The following DLG2 variants were observed in gnomAD, a reference collection of about 807,000 sequenced individuals.
The protein encoded by DLG2 is discs large MAGUK scaffold protein 2.
In DLG2, 45 loss-of-function variants were observed where a neutral mutation model predicts 132.5. The observed-to-expected ratio is 0.34, with a 90% confidence interval of 0.27 to 0.44. The LOEUF is 0.44. DLG2 is among the 20% of genes least tolerant of loss of function. The pLI is 1.00. For synonymous variants in DLG2, 424 were observed against 419.6 expected (o/e 1.01, Z -0.13); for missense variants, 1,045 against 1,196.9 (o/e 0.87, Z 1.87).
At chr11:83,918,197 T>G (rs12293121) in intron 15 of DLG2, among the ~76,000 whole-genome samples, 12,054 of 152,186 alleles carry the variant, frequency 0.079, 661 homozygotes, top group Middle Eastern at 0.2. Flanking sequence ...TGAGATACAT[T>G]AGGGGGCCTT....
chr11:84,625,569 C>G (rs938114605), intron 6 of DLG2, among the ~76,000 whole-genome samples: 4 of 152,146 alleles, frequency 2.6e-5, no homozygotes, highest in Non-Finnish European at 5.9e-5. Context: ...AATAGATTCC[C>G]TAACTAAAAG....
intron 6 of DLG2, among the ~76,000 whole-genome samples, chr11:84,944,852 C>T (rs1269400059): frequency 6.6e-6 from 1 of 152,178 alleles, no homozygotes; most frequent in South Asian, 2.1e-4. Flanking sequence ...GATTTGCCCA[C>T]CTCACCTCCC....
At chr11:84,900,697 C>T (rs1407941478) in intron 6 of DLG2, among the ~76,000 whole-genome samples, 1 of 151,952 alleles carries the variant, frequency 6.6e-6, no homozygotes. Flanking sequence ...GAAGATAGAA[C>T]TAAATGAAAT....
At chr11:83,885,066 T>C (rs909488518) in intron 15 of DLG2, among the ~76,000 whole-genome samples, 12 of 151,608 alleles carry the variant, frequency 7.9e-5, no homozygotes, top group Admixed American at 2.6e-4. Context: ...GAACGCAGTT[T>C]CTCACCAGCA....
chr11:83,672,337 C>T (rs1367637257), intron 18 of DLG2, among the ~76,000 whole-genome samples: 1 of 151,910 alleles, frequency 6.6e-6, no homozygotes, highest in Non-Finnish European at 1.5e-5. Flanking sequence ...GGCACCACGC[C>T]CGGCTAATTT....
chr11:83,528,290 G>C (rs1223533536), intron 21 of DLG2, among the ~76,000 whole-genome samples: 2 of 152,152 alleles, frequency 1.3e-5, no homozygotes, highest in African/African-American at 4.8e-5. Context: ...AAGAACCTCA[G>C]ATTTCTTCAT....
At chr11:85,429,327 G>A (rs186342049) in intron 3 of DLG2, among the ~76,000 whole-genome samples, 176 of 152,192 alleles carry the variant, frequency 1.2e-3, no homozygotes, top group African/African-American at 4.1e-3. Flanking sequence ...AACAAAAAAA[G>A]AAAATTTTAG....
At chr11:83,905,370 A>G (rs74995373) in intron 15 of DLG2, among the ~76,000 whole-genome samples, 3,850 of 152,240 alleles carry the variant, frequency 0.025, 176 homozygotes, top group African/African-American at 0.088. Context: ...GAACTTCCTT[A>G]CAAAAACCTT....
intron 19 of DLG2, among the ~76,000 whole-genome samples, chr11:83,564,984 T>C (rs7936550): frequency 0.076 from 11,553 of 152,264 alleles, 1,299 homozygotes; most frequent in African/African-American, 0.25. Flanking sequence ...TGTATTATAA[T>C]CAATCATGCA....
At chr11:85,315,653 A>G (rs1338389419) in intron 3 of DLG2, among the ~76,000 whole-genome samples, 1 of 152,032 alleles carries the variant, frequency 6.6e-6, no homozygotes, top group African/African-American at 2.4e-5. Context: ...CAAGATAGAG[A>G]CAGGACACCT....
At chr11:83,576,481 C>A (rs764839661) in intron 19 of DLG2, among the ~76,000 whole-genome samples, 8 of 151,964 alleles carry the variant, frequency 5.3e-5, no homozygotes, top group Non-Finnish European at 1.5e-5. Context: ...ACATCATAAT[C>A]AAACAGCTTA....
At chr11:84,380,145 G>A (rs978268656) in intron 7 of DLG2, among the ~76,000 whole-genome samples, 12 of 151,998 alleles carry the variant, frequency 7.9e-5, no homozygotes, top group African/African-American at 2.9e-4. Flanking sequence ...CACATTTTAT[G>A]ACCATTACTG....
At chr11:84,181,493 T>C (rs976550705) in intron 8 of DLG2, among the ~76,000 whole-genome samples, 13 of 152,058 alleles carry the variant, frequency 8.5e-5, no homozygotes, top group Non-Finnish European at 1.9e-4. Context: ...GTAACAGATA[T>C]GGCAGATATT....
chr11:84,838,054 T>C (rs2154003441), intron 6 of DLG2, among the ~76,000 whole-genome samples: 1 of 152,012 alleles, frequency 6.6e-6, no homozygotes, highest in East Asian at 1.9e-4. Flanking sequence ...AAGAAAAGTG[T>C]ACTTAGTGAT....
intron 6 of DLG2, among the ~76,000 whole-genome samples, chr11:84,563,562 G>A (rs775466096): frequency 1.3e-5 from 2 of 152,192 alleles, no homozygotes; most frequent in Admixed American, 6.5e-5. Context: ...TCAGAGCACA[G>A]GGCAAAATGG....
chr11:84,421,894 G>C (rs771401711), intron 7 of DLG2, among the ~76,000 whole-genome samples: 1 of 152,150 alleles, frequency 6.6e-6, no homozygotes, highest in Non-Finnish European at 1.5e-5. Context: ...AACTTCTTAT[G>C]TTAAGTATTT....
At chr11:85,194,767 G>A (rs544023059) in intron 4 of DLG2, among the ~76,000 whole-genome samples, 8 of 152,216 alleles carry the variant, frequency 5.3e-5, no homozygotes, top group South Asian at 4.2e-4. Context: ...ATACCGATTG[G>A]GATGGGGGAG....
At chr11:85,412,526 C>T (rs1015796745) in intron 3 of DLG2, among the ~76,000 whole-genome samples, 2 of 151,660 alleles carry the variant, frequency 1.3e-5, no homozygotes, top group African/African-American at 2.4e-5. Context: ...CCTTTCCATT[C>T]TTTTCCACGG....
At chr11:85,007,508 C>G (rs1204518293) in intron 6 of DLG2, among the ~76,000 whole-genome samples, 1 of 149,598 alleles carries the variant, frequency 6.7e-6, no homozygotes, top group Admixed American at 6.7e-5. Flanking sequence ...AAAAAAAACA[C>G]AAAAAAAATT....
Sources: allele counts gnomAD v4.1 joint callset (sites outside exome capture counted in the v4.1 genomes callset), GRCh38; gene constraint gnomAD v4.1.1; transcripts MANE v1.5; gene names NCBI Gene and HGNC (gene_info 2026-07-23, HGNC 2026-07-21).